Variants in CACNA1C observed in about 807,000 individuals in gnomAD.
CACNA1C encodes voltage-dependent L-type calcium channel subunit alpha-1C.
CACNA1C carries 30 observed loss-of-function variants against 229.0 expected under a neutral mutation model. The observed-to-expected ratio is 0.13, with a 90% CI of 0.10 to 0.18. The LOEUF is 0.18. Ranked by LOEUF, CACNA1C falls within the 10% of genes least tolerant of loss-of-function variation. CACNA1C has a pLI of 1.00. For synonymous variants in CACNA1C, 1,114 were observed against 1,132.5 expected (o/e 0.98, Z 0.33); for missense variants, 1,658 against 2,845.0 (o/e 0.58, Z 9.49).
intron 1 of CACNA1C, among the ~76,000 whole-genome samples, chr12:2,000,073 A>C (rs1220932468): frequency 6.6e-6 from 1 of 152,230 alleles, no homozygotes; most frequent in Non-Finnish European, 1.5e-5. Context: ...AGTATTAATC[A>C]GGAAAATGGC....
intron 3 of CACNA1C, among the ~76,000 whole-genome samples, chr12:2,310,972 G>C (rs1226817164): frequency 6.6e-6 from 1 of 152,186 alleles, no homozygotes. Flanking sequence ...GTGCCTTCTA[G>C]AGTCTAATCC....
At chr12:2,164,062 C>G (rs747645237) in intron 3 of CACNA1C, among the ~76,000 whole-genome samples, 1 of 152,220 alleles carries the variant, frequency 6.6e-6, no homozygotes, top group Non-Finnish European at 1.5e-5. Flanking sequence ...CCTCCCTCCC[C>G]TCCTCTATCT....
At chr12:2,436,921 T>G (rs1188255244) in intron 3 of CACNA1C, among the ~76,000 whole-genome samples, 2 of 152,250 alleles carry the variant, frequency 1.3e-5, no homozygotes, top group East Asian at 3.8e-4. Context: ...CATGTTGCTC[T>G]TGTCATCAAT....
chr12:2,476,826 A>AATAAAT (rs1431015095), intron 5 of CACNA1C, among the ~76,000 whole-genome samples: 1 of 152,240 alleles, frequency 6.6e-6, no homozygotes, highest in Non-Finnish European at 1.5e-5. Flanking sequence ...CTAAATTAAA[A>AATAAAT]ATAAATGAAA....
intron 29 of CACNA1C, among the ~76,000 whole-genome samples, chr12:2,627,694 G>A (rs12099922): frequency 1.3e-3 from 194 of 152,110 alleles, no homozygotes; most frequent in African/African-American, 4.4e-3. Flanking sequence ...CTCCCTCAGC[G>A]CCACCCCACC....
intron 30 of CACNA1C, among the ~76,000 whole-genome samples, chr12:2,644,597 G>A (rs2094135452): frequency 1.3e-5 from 2 of 152,178 alleles, no homozygotes; most frequent in South Asian, 4.1e-4. Flanking sequence ...ACACCATCCT[G>A]GTGGGAAAAT....
At chr12:2,543,338 T>A (rs571718883) in intron 9 of CACNA1C, among the ~76,000 whole-genome samples, 1 of 152,168 alleles carries the variant, frequency 6.6e-6, no homozygotes, top group Non-Finnish European at 1.5e-5. Flanking sequence ...AGAGAAAAGG[T>A]GCCCCTTAGT....
chr12:2,056,886 G>A (rs1565416661), intron 1 of CACNA1C, among the ~76,000 whole-genome samples: 1 of 152,158 alleles, frequency 6.6e-6, no homozygotes, highest in Non-Finnish European at 1.5e-5. Context: ...AAGTGTGTGT[G>A]TGTATACATA....
intron 9 of CACNA1C, among the ~76,000 whole-genome samples, chr12:2,544,317 G>A (rs1031966720): frequency 6.6e-6 from 1 of 152,178 alleles, no homozygotes; most frequent in South Asian, 2.1e-4. Flanking sequence ...GAAGTCCATT[G>A]ACTATAATCT....
At chr12:2,365,722 T>C (rs1030434947) in intron 3 of CACNA1C, among the ~76,000 whole-genome samples, 1 of 152,222 alleles carries the variant, frequency 6.6e-6, no homozygotes, top group Non-Finnish European at 1.5e-5. Context: ...AGACCAAATA[T>C]GCTTGATATA....
chr12:2,465,094 T>C (rs1210628050), intron 5 of CACNA1C, among the ~76,000 whole-genome samples: 4 of 152,214 alleles, frequency 2.6e-5, no homozygotes, highest in Non-Finnish European at 5.9e-5. Context: ...TTGGAAAGAC[T>C]AAATGAGTTA....
rs1208647148 is a variant in CACNA1C at position 2,136,964 on chromosome 12, GA to G, written c.477+16535del. Among the ~76,000 whole-genome samples the G allele has an allele frequency of 1.3e-5, 2 of 151,354 alleles. 1 individual carries two copies. The highest frequency in any genetic ancestry group is 3.0e-5 in the Non-Finnish European group (2 of 67,640). On this transcript the variant is annotated intron_variant, in intron 3 of 46. Coordinates refer to ENST00000399655, the MANE Select transcript of CACNA1C (RefSeq NM_000719.7). ...CTGAGTCCTTGGAAGCAGATCTTGG[GA>G]GCTGCTGGGCCTGCATTTGAACTTG...
chr12:2,594,034 G>A (rs925306710), intron 19 of CACNA1C, among the ~76,000 whole-genome samples: 1 of 152,194 alleles, frequency 6.6e-6, no homozygotes, highest in Non-Finnish European at 1.5e-5. Context: ...GCACAAGAAA[G>A]GTGTTATTCC....
chr12:2,080,205 T>A (rs1421297147), intron 1 of CACNA1C, among the ~76,000 whole-genome samples: 2 of 151,844 alleles, frequency 1.3e-5, no homozygotes, highest in African/African-American at 4.8e-5. Flanking sequence ...GAGGTTACAG[T>A]GAGCTGAGAT....
intron 3 of CACNA1C, among the ~76,000 whole-genome samples, chr12:2,159,505 A>G (rs2095727029): frequency 6.6e-6 from 1 of 152,134 alleles, no homozygotes; most frequent in Non-Finnish European, 1.5e-5. Context: ...AAATAAATAA[A>G]TAAATAAATT....
chr12:2,041,620 G>T (rs994179620), intron 1 of CACNA1C, among the ~76,000 whole-genome samples: 3 of 152,166 alleles, frequency 2.0e-5, no homozygotes, highest in African/African-American at 7.2e-5. Context: ...GTGACCACAG[G>T]ACACCTTGCT....
intron 3 of CACNA1C, among the ~76,000 whole-genome samples, chr12:2,337,350 A>C (rs10848648): frequency 1.3e-5 from 2 of 151,674 alleles, no homozygotes. Context: ...CCAGACTTAG[A>C]CTCCTTTTGG....
intron 3 of CACNA1C, among the ~76,000 whole-genome samples, chr12:2,232,364 A>T (rs912948047): frequency 4.0e-5 from 6 of 150,900 alleles, no homozygotes; most frequent in East Asian, 2.0e-4. Flanking sequence ...TCATGATTAG[A>T]TGGAGGGTAT....
At chr12:2,315,459 G>A (rs917520877) in intron 3 of CACNA1C, among the ~76,000 whole-genome samples, 12 of 152,062 alleles carry the variant, frequency 7.9e-5, no homozygotes, top group African/African-American at 1.9e-4. Context: ...CCTTCTAGTC[G>A]CCACCTTTCT....
Sources: gnomAD v4.1 joint callset for allele counts (sites outside exome capture counted in the v4.1 genomes callset) on GRCh38, gnomAD v4.1.1 for gene constraint, MANE v1.5 for transcripts, NCBI Gene and HGNC (gene_info 2026-07-23, HGNC 2026-07-21) for gene names.